CAPN10: variants seen among roughly 807,000 people sequenced by gnomAD.
The protein encoded by CAPN10 is calpain 10, also known as calpain-10.
A neutral mutation model predicts 78.4 loss-of-function variants in CAPN10; 71 were observed. The ratio of observed to expected loss-of-function variants is 0.91; its 90% CI spans 0.75 to 1.10. CAPN10 has a LOEUF of 1.10. Among genes scored for constraint, CAPN10 ranks in the 50% least tolerant of loss-of-function variants. The probability of loss-of-function intolerance (pLI) is 0.00; values close to 1 mark genes in which losing one functional copy is unlikely to be tolerated. For missense variants in CAPN10, 849 were observed against 924.6 expected, an observed-to-expected ratio of 0.92 and a Z score of 1.06; for synonymous variants, 437 against 407.2, an observed-to-expected ratio of 1.07 and a Z score of -0.88.
In CAPN10 at chr2:240,596,280, G is replaced by T. The variant is rs375186294; in HGVS notation, c.1279-39G>T. ...GTCAAGGCCAGGGCGTCTGACCCCGGCCGCTCCTCCACACTGAGCCTCCTG... is the reference window on the plus strand; with the variant it reads ...GTCAAGGCCAGGGCGTCTGACCCCGTCCGCTCCTCCACACTGAGCCTCCTG... On this transcript the variant is annotated intron_variant, in intron 7 of 11. Coordinates refer to ENST00000391984, the MANE Select transcript of CAPN10 (RefSeq NM_023083.4). 485 of 1,564,154 alleles carry T rather than the reference G, an allele frequency of 3.1e-4. 20 individuals are homozygous for T. The South Asian group carries it at 5.2e-3, about 17-fold the overall frequency.
intron 1 of CAPN10, 103 bp downstream of exon 1, chr2:240,587,155 A>G: frequency 1.6e-6 from 1 of 611,062 alleles, no homozygotes; most frequent in Non-Finnish European, 2.5e-6. Context: ...CTCCGAACGC[A>G]GGGTCCGCCG....
chr2:240,593,351 C>G (rs73108060), intron 4 of CAPN10, among the ~76,000 whole-genome samples: 297 of 152,322 alleles, frequency 1.9e-3, no homozygotes, highest in African/African-American at 6.7e-3. Flanking sequence ...CTCTCTAGAC[C>G]GTTGCCCCGC....
At chr2:240,594,281 C>T in intron 5 of CAPN10, 2 of 578,638 alleles carry the variant, frequency 3.5e-6, no homozygotes, top group Non-Finnish European at 6.0e-6. Flanking sequence ...TCATCACGGG[C>T]TCGGGCAGCA....
chr2:240,598,475 C>A, intron 11 of CAPN10, 78 bp downstream of exon 11: 1 of 1,551,126 alleles, frequency 6.4e-7, no homozygotes. Flanking sequence ...CAACCTCAGG[C>A]AGGTGGTTTC....
chr2:240,590,858 G>C lies in CAPN10; in HGVS notation c.317G>C (p.Arg106Pro). Residue 106 changes from arginine (R) to proline (P), a missense_variant, in exon 3 of 12, where the codon CGG becomes CCG. Transcript: ENST00000391984. ...GQPSWADQEY[R>P]GSFTCRIWQF... The stretch of plus-strand genomic sequence containing the variant: ...CCGAGCTGGGCCGACCAGGAGTACC[G>C]GGGCTCCTTCACCTGTCGCATTTGG... The C allele has an allele frequency of 6.2e-7, 1 of 1,614,242 alleles. No homozygotes were observed. The highest frequency in any genetic ancestry group is 1.3e-5 in the African/African-American group (1 of 75,070).
In CAPN10 at chr2:240,596,898, C is replaced by G; in HGVS notation, c.1699C>G (p.Pro567Ala). 1 of 1,613,574 alleles carries G rather than the reference C, an allele frequency of 6.2e-7. No individual in the cohort carries two copies. The highest frequency in any genetic ancestry group is 8.5e-7 in the Non-Finnish European group (1 of 1,180,026). ...VRITLHQHCR[P>A]SDTEFHPIGF... ...CATCACTCTGCATCAGCACTGCCGG[C>G]CCAGTGACACCGAGTTCCACCCCAT... is the stretch of plus-strand genomic sequence containing the variant. Residue 567 changes from proline to alanine, a missense_variant, in exon 9 of 12, where the codon CCC becomes GCC. Physicochemically the swap from Pro to Ala is conservative, Grantham distance 27. Coordinates refer to ENST00000391984, the MANE Select transcript of CAPN10 (RefSeq NM_023083.4).
chr2:240,588,958 A>G (rs924917877), intron 1 of CAPN10, among the ~76,000 whole-genome samples: 2 of 145,284 alleles, frequency 1.4e-5, no homozygotes, highest in African/African-American at 2.6e-5. Flanking sequence ...GGGAAGGTAT[A>G]TGATAGTTAG....
chr2:240,596,393 C>T lies in CAPN10; in HGVS notation c.1353C>T (p.Tyr451=), dbSNP rs747760729. 1.5e-5 allele frequency: 25 copies of T among 1,613,398 alleles called. No individual in the cohort carries two copies. The highest frequency in any genetic ancestry group is 8.9e-5 in the East Asian group (4 of 44,868). Residue 451 remains tyrosine (Y), a synonymous_variant, in exon 8 of 12, where the codon TAC becomes TAT. Transcript: ENST00000391984. ...PPVAGTACHA[Y]DREVHLRCEL... is the part of the protein sequence containing the mutation. ...TGGCTGGCACCGCGTGCCATGCATA[C>T]GACCGGGAGGTCCACCTGCGTTGTG...
In CAPN10 at chr2:240,589,459, G is replaced by A. The variant is rs1288194423; in HGVS notation, c.258G>A (p.Arg86=). 3.1e-6 allele frequency: 5 copies of A among 1,613,170 alleles called. No homozygotes were observed. The highest frequency in any genetic ancestry group is 3.3e-4 in the Middle Eastern group (2 of 6,074). ...LCACAALQKS[R]HLLDQVIPPG... ...CCTGCGCCGCGCTGCAGAAGAGCAG[G>A]CACCTCCTGGACCAGGTGCGGGGCC... is the stretch of plus-strand genomic sequence containing the variant. Residue 86 remains arginine (R), a synonymous_variant, in exon 2 of 12, where the codon AGG becomes AGA. Transcript: ENST00000391984.
rs766256299 is a variant in CAPN10, at chr2:240,596,457, T to C, written c.1417T>C (p.Phe473Leu). ...PGYYLAVPSTFLKDAPGEFLL... is the reference protein window; with the variant it reads ...PGYYLAVPSTLLKDAPGEFLL... The stretch of plus-strand genomic sequence containing the variant: ...CTACTACCTGGCTGTCCCCAGCACC[T>C]TCCTGAAGGACGCGCCAGGGGAGTT... The change falls in exon 8 of 12, where the codon TTC becomes CTC. Residue 473 changes from phenylalanine to leucine, a missense_variant. Physicochemically the swap from Phe to Leu is conservative, Grantham distance 22 (BLOSUM62 0). Transcript: ENST00000391984. 6.2e-7 allele frequency: 1 copy of C among 1,613,470 alleles called. No individual in the cohort carries two copies.
rs1171619119 is a variant in CAPN10, at chr2:240,590,880, T to G, written c.339T>G (p.Ile113Met). Residue 113 changes from isoleucine to methionine, a missense_variant, in exon 3 of 12, where the codon ATT becomes ATG. Ile to Met is a conservative substitution (Grantham distance 10). Transcript: ENST00000391984. ...ACCGGGGCTCCTTCACCTGTCGCAT[T>G]TGGCAGTTTGGACGCTGGGTGGAGG... ...QEYRGSFTCR[I>M]WQFGRWVEVT... 6.2e-7 allele frequency: 1 copy of G among 1,614,108 alleles called. No homozygotes were observed. The highest frequency in any genetic ancestry group is 1.3e-5 in the African/African-American group (1 of 74,940).
At chr2:240,591,868 G>A (rs1432639785) in intron 3 of CAPN10, 65 bp from the exon 4 acceptor site, 1 of 1,442,288 alleles carries the variant, frequency 6.9e-7, no homozygotes, top group Non-Finnish European at 9.6e-7. Flanking sequence ...TACAGACCAT[G>A]GGAATCAGAG....
At chr2:240,598,253 G>C (rs1433424638) in intron 10 of CAPN10, 99 bp from the exon 11 acceptor site, 4 of 1,482,334 alleles carry the variant, frequency 2.7e-6, no homozygotes, top group Non-Finnish European at 3.8e-6. Context: ...TTGCTGGTCT[G>C]AGCCTGGAAG....
chr2:240,597,373 G>A (rs763663033), intron 9 of CAPN10, among the ~76,000 whole-genome samples: 8 of 152,198 alleles, frequency 5.3e-5, no homozygotes, highest in African/African-American at 1.9e-4. Flanking sequence ...GTGTGAGGAA[G>A]TCCACAGTCA....
rs956786238 is a variant in CAPN10, at chr2:240,598,533, C to T, written c.1990-118C>T. 166 of 1,437,236 alleles carry T rather than the reference C, an allele frequency of 1.2e-4. 2 individuals carry two copies. The Admixed American group carries it at 2.1e-3, about 18-fold the overall frequency. 89.0% of individuals were successfully genotyped at this position (1,437,236 alleles called of 1,614,324 possible). A position where few individuals can be genotyped will look rare whatever the true frequency, so the allele number is the denominator to read the frequency against. ...TGACTCTTCCTGTGAGAGCCCCGGG[C>T]GGTGCCTTGAAGGGCAGGGGGAGCT... On this transcript the variant is annotated intron_variant, in intron 11 of 11. Transcript: ENST00000391984.
Position 240,589,461 on chromosome 2 carries a change from A to G in CAPN10, c.260A>G (p.His87Arg). The part of the protein sequence containing the change: ...CACAALQKSR[H>R]LLDQVIPPGQ... ...TGCGCCGCGCTGCAGAAGAGCAGGC[A>G]CCTCCTGGACCAGGTGCGGGGCCCC... The change falls in exon 2 of 12, where the codon CAC becomes CGC. Residue 87 changes from histidine to arginine, a missense_variant. Coordinates refer to ENST00000391984, the MANE Select transcript of CAPN10 (RefSeq NM_023083.4). The G allele has an allele frequency of 1.2e-6, 2 of 1,612,456 alleles. No individual in the cohort carries two copies. Among genetic ancestry groups the G allele is most frequent in the Non-Finnish European group, 1.7e-6 (2 of 1,179,372 alleles).
intron 2 of CAPN10, 26 bp from the exon 3 acceptor site, chr2:240,590,789 C>T: frequency 1.2e-6 from 2 of 1,610,046 alleles, no homozygotes; most frequent in South Asian, 2.2e-5. Flanking sequence ...TCACGCTCGC[C>T]TTTTGCTTCT....
chr2:240,590,596 G>A (rs1165202474), intron 2 of CAPN10: 13 of 539,556 alleles, frequency 2.4e-5, no homozygotes, highest in South Asian at 4.8e-5. Flanking sequence ...CAGGTGTGCC[G>A]TAGAGTTCTC....
chr2:240,587,424 C>T (rs936350414), intron 1 of CAPN10, among the ~76,000 whole-genome samples: 1 of 152,252 alleles, frequency 6.6e-6, no homozygotes, highest in Non-Finnish European at 1.5e-5. Flanking sequence ...GCTCGTGCCC[C>T]TCTGAAGTGG....
Sources: allele counts gnomAD v4.1 joint callset (sites outside exome capture counted in the v4.1 genomes callset), GRCh38; gene constraint gnomAD v4.1.1; transcripts MANE v1.5; gene names NCBI Gene and HGNC (gene_info 2026-07-23, HGNC 2026-07-21).